BMERB1: variants seen among roughly 807,000 people sequenced by gnomAD.
BMERB1 encodes the protein bMERB domain containing 1.
BMERB1 carries 12 observed loss-of-function variants against 23.6 expected under a neutral mutation model. The ratio of observed to expected loss-of-function variants is 0.51; its 90% CI spans 0.33 to 0.82. The LOEUF is 0.82. Ranked by LOEUF, BMERB1 falls within the 40% of genes least tolerant of loss-of-function variation. BMERB1 has a pLI of 0.03. For missense variants in BMERB1, 247 were observed against 255.4 expected (o/e 0.97, Z 0.22); for synonymous variants, 122 against 96.6 (o/e 1.26, Z -1.54).
intron 2 of BMERB1, among the ~76,000 whole-genome samples, chr16:15,566,427 T>C (rs1363255545): frequency 6.6e-6 from 1 of 152,186 alleles, no homozygotes; most frequent in Non-Finnish European, 1.5e-5. Flanking sequence ...GAATCTATCC[T>C]AGAAATGTAT....
At chr16:15,442,282 G>A (rs184208023) in intron 1 of BMERB1, among the ~76,000 whole-genome samples, 25 of 151,418 alleles carry the variant, frequency 1.7e-4, no homozygotes, top group Admixed American at 4.0e-4. Context: ...GTGAGCTGAG[G>A]TCACACCATT....
intron 2 of BMERB1, among the ~76,000 whole-genome samples, chr16:15,565,667 C>T (rs1359817063): frequency 1.3e-5 from 2 of 152,120 alleles, no homozygotes; most frequent in African/African-American, 4.8e-5. Context: ...TGGTAAACAG[C>T]AAGACCCCAT....
intron 2 of BMERB1, among the ~76,000 whole-genome samples, chr16:15,532,786 C>A (rs1357752636): frequency 2.0e-5 from 3 of 147,560 alleles, no homozygotes; most frequent in Non-Finnish European, 4.5e-5. Context: ...ACCTCGTGAT[C>A]TGCCCGCCTC....
At chr16:15,569,255 A>G (rs2030664121) in intron 3 of BMERB1, among the ~76,000 whole-genome samples, 1 of 152,236 alleles carries the variant, frequency 6.6e-6, no homozygotes, top group East Asian at 1.9e-4. Context: ...TATAAAGAAA[A>G]TAAGTTTAAT....
chr16:15,541,974 G>C (rs2052088350), intron 2 of BMERB1, among the ~76,000 whole-genome samples: 2 of 145,622 alleles, frequency 1.4e-5, no homozygotes, highest in Non-Finnish European at 1.5e-5. Flanking sequence ...TCAAACTCCT[G>C]AGCTCAAGTG....
Position 15,574,114 on chromosome 16 carries a change from C to A in BMERB1, c.304+6058C>A, listed in dbSNP as rs138273416. ...GGGGAAGCCTCAGGAAACTTACAATCATGGTGGAAGGTGAAGGAGAAGCAA... is the reference window on the plus strand; with the variant it reads ...GGGGAAGCCTCAGGAAACTTACAATAATGGTGGAAGGTGAAGGAGAAGCAA... On this transcript the variant is annotated intron_variant, in intron 3 of 5. Transcript: ENST00000300006. 2.6e-3 allele frequency among the ~76,000 whole-genome samples: 397 copies of A among 151,262 alleles called. 2 individuals carry two copies. Among genetic ancestry groups the A allele is most frequent in the African/African-American group, 9.0e-3 (370 of 41,102 alleles).
chr16:15,490,757 A>G (rs967488266), intron 1 of BMERB1, among the ~76,000 whole-genome samples: 1 of 152,240 alleles, frequency 6.6e-6, no homozygotes, highest in Admixed American at 6.5e-5. Flanking sequence ...GTGATGCTGG[A>G]AAGTTGTGTG....
At position 15,545,442 on chromosome 16, in the gene BMERB1, G is replaced by A. The variant is rs967855238; in HGVS notation, c.231-22541G>A. 3.9e-5 allele frequency among the ~76,000 whole-genome samples: 6 copies of A among 152,152 alleles called. No homozygotes were observed. The South Asian group carries it at 6.2e-4, about 16-fold the overall frequency. On this transcript the variant is annotated intron_variant, in intron 2 of 5. Transcript: ENST00000300006. Reference sequence around the variant, plus strand: ...CAGACTTCCCTTAGAGAGAAGACCCGGTGTGGTTGGTGGGAACACTCTGAC... The same window carrying A: ...CAGACTTCCCTTAGAGAGAAGACCCAGTGTGGTTGGTGGGAACACTCTGAC...
intron 3 of BMERB1, among the ~76,000 whole-genome samples, chr16:15,571,541 A>AGGTG (rs948433843): frequency 2.6e-5 from 4 of 151,990 alleles, no homozygotes; most frequent in African/African-American, 9.7e-5. Context: ...TTTTTAGTAG[A>AGGTG]GGTGGGGTTT....
intron 1 of BMERB1, among the ~76,000 whole-genome samples, chr16:15,450,946 T>C (rs2150924087): frequency 6.6e-6 from 1 of 152,216 alleles, no homozygotes; most frequent in South Asian, 2.1e-4. Flanking sequence ...TCGATGATCA[T>C]TTTAGGGTTT....
At chr16:15,504,434 A>T (rs1331611758) in intron 1 of BMERB1, among the ~76,000 whole-genome samples, 1 of 151,396 alleles carries the variant, frequency 6.6e-6, no homozygotes, top group African/African-American at 2.4e-5. Context: ...GCTCTTTGCA[A>T]CTCTTCTTAA....
At chr16:15,453,914 A>G (rs1274531804) in intron 1 of BMERB1, among the ~76,000 whole-genome samples, 1 of 151,730 alleles carries the variant, frequency 6.6e-6, no homozygotes, top group Non-Finnish European at 1.5e-5. Flanking sequence ...AATGCCACCA[A>G]CCTCCAATAA....
intron 2 of BMERB1, among the ~76,000 whole-genome samples, chr16:15,517,561 TAATCAA>T (rs1477723756): frequency 6.6e-6 from 1 of 151,922 alleles, no homozygotes; most frequent in African/African-American, 2.4e-5. Flanking sequence ...TGCTTTTAAG[TAATCAA>T]GATCAAGATC....
At chr16:15,529,091 C>T (rs537221519) in intron 2 of BMERB1, among the ~76,000 whole-genome samples, 4 of 152,312 alleles carry the variant, frequency 2.6e-5, no homozygotes, top group African/African-American at 9.6e-5. Flanking sequence ...GTGGTGCGAT[C>T]TTGGCTCACT....
At chr16:15,465,874 A>G (rs1279719606) in intron 1 of BMERB1, among the ~76,000 whole-genome samples, 5 of 152,232 alleles carry the variant, frequency 3.3e-5, no homozygotes, top group Non-Finnish European at 7.3e-5. Context: ...TTTTGCCACT[A>G]AACATGTTTT....
At position 15,441,365 on chromosome 16, in the gene BMERB1, C is replaced by T. The variant is rs538997839; in HGVS notation, c.106+6606C>T. ...TCCTGAGTAGCTGGAACTACAAGTTCGCATGCCTCTAGAGCCCATTAAAAA... is the reference window on the plus strand; with the variant it reads ...TCCTGAGTAGCTGGAACTACAAGTTTGCATGCCTCTAGAGCCCATTAAAAA... On this transcript the variant is annotated intron_variant, in intron 1 of 5. Transcript: ENST00000300006. Among the ~76,000 whole-genome samples the T allele has an allele frequency of 4.7e-5, 7 of 150,502 alleles. No individual in the cohort carries two copies. The East Asian group carries it at 5.9e-4, about 13-fold the overall frequency.
chr16:15,513,514 T>A lies in BMERB1; in HGVS notation c.107-1791T>A, dbSNP rs187781299. ...ACCTACATCACAGTGGATATATGTA[T>A]ATGCATATAATAGTATAAATATACA... On this transcript the variant is annotated intron_variant, in intron 1 of 5. Transcript: ENST00000300006. 9.2e-5 allele frequency among the ~76,000 whole-genome samples: 14 copies of A among 152,360 alleles called. No individual in the cohort carries two copies. The East Asian group carries it at 2.7e-3, about 29-fold the overall frequency.
At chr16:15,513,105 C>T (rs374908154) in intron 1 of BMERB1, among the ~76,000 whole-genome samples, 49 of 152,138 alleles carry the variant, frequency 3.2e-4, no homozygotes, top group African/African-American at 1.1e-3. Context: ...CCCCGAGTCT[C>T]CCCCACTACC....
chr16:15,554,424 A>G (rs1329700478), intron 2 of BMERB1, among the ~76,000 whole-genome samples: 1 of 152,202 alleles, frequency 6.6e-6, no homozygotes, highest in Non-Finnish European at 1.5e-5. Flanking sequence ...GAAAGCATTC[A>G]ATAAGTACTA....
Sources: gnomAD v4.1 joint callset for allele counts (sites outside exome capture counted in the v4.1 genomes callset) on GRCh38, gnomAD v4.1.1 for gene constraint, MANE v1.5 for transcripts, NCBI Gene and HGNC (gene_info 2026-07-23, HGNC 2026-07-21) for gene names.